Variants in REPS2 observed in about 807,000 individuals in gnomAD.
REPS2 encodes the protein ralBP1-associated Eps domain-containing protein 2.
Under a neutral mutation model 53.6 loss-of-function variants are expected in REPS2, and 23 were observed. The observed-to-expected ratio is 0.43, with a 90% CI of 0.31 to 0.61. REPS2 has a LOEUF of 0.61. REPS2 is among the 20% of genes least tolerant of loss of function. The pLI, the probability that REPS2 is intolerant of heterozygous loss-of-function variation, is 0.11. For synonymous variants in REPS2, 238 were observed against 218.6 expected (o/e 1.09, Z -0.78); for missense variants, 446 against 534.9 (o/e 0.83, Z 1.64).
intron 9 of REPS2, among the ~76,000 whole-genome samples, chrX:17,067,144 G>A (rs1213780797): frequency 9.0e-6 from 1 of 111,561 alleles, no homozygotes; most frequent in Non-Finnish European, 1.9e-5. Flanking sequence ...AAAGACATAT[G>A]TTGACAAGTC....
intron 9 of REPS2, 96 bp downstream of exon 9, chrX:17,062,628 T>C: frequency 1.8e-6 from 1 of 568,589 alleles, no homozygotes; most frequent in Non-Finnish European, 2.7e-6. Flanking sequence ...AACTTTTTTT[T>C]TGTTTGAAAA....
At chrX:17,121,798 G>A (rs376243342) in intron 14 of REPS2, among the ~76,000 whole-genome samples, 21 of 110,710 alleles carry the variant, frequency 1.9e-4, no homozygotes, top group East Asian at 1.4e-3. Context: ...TGCAACCTCC[G>A]CTTCCCGGGT....
intron 1 of REPS2, among the ~76,000 whole-genome samples, chrX:16,951,500 TACACACACACACACACAC>T (rs1157042780): frequency 3.8e-4 from 23 of 60,119 alleles, no homozygotes; most frequent in South Asian, 3.2e-3. Flanking sequence ...AAACCCCATC[TACACACACACACACACAC>T]ACACACACAC....
chrX:17,090,280 G>A (rs763924454), intron 13 of REPS2, among the ~76,000 whole-genome samples: 114 of 112,624 alleles, frequency 1.0e-3, no homozygotes, highest in African/African-American at 3.4e-3. Flanking sequence ...ACAGTTCCAC[G>A]TGGCCGGGGA....
At chrX:17,106,505 C>G (rs1386195695) in intron 14 of REPS2, among the ~76,000 whole-genome samples, 2 of 108,500 alleles carry the variant, frequency 1.8e-5, no homozygotes, top group Non-Finnish European at 3.8e-5. Flanking sequence ...GCTCTGCCTC[C>G]CGGGTGCACG....
the REPS2 span, among the ~76,000 whole-genome samples, chrX:17,182,435 C>A: frequency 8.9e-6 from 1 of 111,903 alleles, no homozygotes; most frequent in African/African-American, 3.3e-5. Context: ...CAACAGGTAA[C>A]TTTACCATGA....
intron 14 of REPS2, among the ~76,000 whole-genome samples, chrX:17,132,158 A>G (rs192754457): frequency 8.8e-4 from 99 of 112,124 alleles, no homozygotes; most frequent in African/African-American, 2.9e-3. Context: ...ACAACTTTTC[A>G]TGAGCTGACC....
intron 2 of REPS2, among the ~76,000 whole-genome samples, chrX:17,021,619 G>C (rs764360487): frequency 1.8e-5 from 2 of 112,746 alleles, no homozygotes; most frequent in African/African-American, 3.2e-5. Flanking sequence ...CAGATGAGTT[G>C]TGTGATCCTG....
chrX:17,085,753 A>G (rs1477445568), intron 13 of REPS2, among the ~76,000 whole-genome samples: 1 of 111,558 alleles, frequency 9.0e-6, no homozygotes, highest in African/African-American at 3.3e-5. Context: ...AATTTATGCA[A>G]AAGTTGAGAA....
chrX:17,123,780 C>G (rs1422604453), intron 14 of REPS2, among the ~76,000 whole-genome samples: 1 of 112,402 alleles, frequency 8.9e-6, no homozygotes, highest in Non-Finnish European at 1.9e-5. Flanking sequence ...CAGATTTAGA[C>G]TGTGGATAGC....
chrX:17,151,181 G>C lies in REPS2; in HGVS notation c.*3700G>C, dbSNP rs2063565988. On this transcript the variant is annotated 3_prime_UTR_variant, in exon 18 of 18. Transcript: ENST00000357277. ...TGAAATGAACTCAATATGTAGTTAA[G>C]TTATAGTTTTCTTCAATGTATTTTT... The C allele has an allele frequency of 2.7e-5, 3 of 112,205 alleles. No homozygotes were observed. The Admixed American group carries it at 2.8e-4, about 11-fold the overall frequency. The allele number at this position is 112,205 out of a possible 1,213,427, so 9.2% of individuals were successfully genotyped here. A position where few individuals can be genotyped will look rare whatever the true frequency, so the allele number is the denominator to read the frequency against.
At chrX:17,068,343 T>G (rs1422966733) in intron 9 of REPS2, 59 bp from the exon 10 acceptor site, 1 of 1,000,343 alleles carries the variant, frequency 1.0e-6, no homozygotes, top group Non-Finnish European at 1.4e-6. Flanking sequence ...TCATCATATG[T>G]GCGCATCACT....
At chrX:17,096,326 A>C (rs2062696797) in intron 13 of REPS2, among the ~76,000 whole-genome samples, 1 of 111,918 alleles carries the variant, frequency 8.9e-6, no homozygotes, top group Non-Finnish European at 1.9e-5. Context: ...CAGGAAATAC[A>C]AAGCCCTCAG....
chrX:17,007,258 G>A (rs1009123073), intron 2 of REPS2, among the ~76,000 whole-genome samples: 3 of 112,030 alleles, frequency 2.7e-5, no homozygotes, highest in Non-Finnish European at 3.8e-5. Context: ...ATGGCTGGCT[G>A]TGGAAGACCA....
intron 14 of REPS2, among the ~76,000 whole-genome samples, chrX:17,127,016 C>T (rs2063220684): frequency 1.8e-5 from 2 of 112,119 alleles, no homozygotes; most frequent in Admixed American, 9.5e-5. Context: ...TGTTTCCATA[C>T]TGCCATCATT....
At chrX:17,184,592 A>C in the REPS2 span, among the ~76,000 whole-genome samples, 3 of 109,674 alleles carry the variant, frequency 2.7e-5, no homozygotes, top group African/African-American at 1.0e-4. Flanking sequence ...TAGATCCCTG[A>C]GGAATCGCCA....
At chrX:17,050,181 TCTTTCTTTCTTTC>T (rs2061971040) in intron 6 of REPS2, among the ~76,000 whole-genome samples, 20 of 54,077 alleles carry the variant, frequency 3.7e-4, no homozygotes, top group African/African-American at 1.5e-3. Context: ...TTTCTTTCTT[TCTTTCTTTCTTTC>T]TTTTTTTTTT....
intron 17 of REPS2, among the ~76,000 whole-genome samples, chrX:17,145,819 T>G (rs2063505360): frequency 8.9e-6 from 1 of 111,803 alleles, no homozygotes; most frequent in Admixed American, 9.4e-5. Context: ...TTAGAAACAC[T>G]CAATGCCAGG....
downstream of REPS2, among the ~76,000 whole-genome samples, chrX:17,156,990 A>G (rs774684611): frequency 6.7e-4 from 74 of 110,243 alleles, no homozygotes; most frequent in African/African-American, 2.2e-3. Flanking sequence ...TTGACCATCT[A>G]TTTTCCCCCA....
Sources: allele counts gnomAD v4.1 joint callset (sites outside exome capture counted in the v4.1 genomes callset), GRCh38; gene constraint gnomAD v4.1.1; transcripts MANE v1.5; gene names NCBI Gene and HGNC (gene_info 2026-07-23, HGNC 2026-07-21).